Variants in GDAP2 observed in about 807,000 individuals in gnomAD.
The protein encoded by GDAP2 is ganglioside induced differentiation associated protein 2.
Under a neutral mutation model 67.0 loss-of-function variants are expected in GDAP2, and 51 were observed. The ratio of observed to expected loss-of-function variants is 0.76; its 90% CI spans 0.61 to 0.96. The LOEUF (loss-of-function observed/expected upper bound fraction) is 0.96. Ranked by LOEUF, GDAP2 falls within the 40% of genes least tolerant of loss-of-function variation. GDAP2 has a pLI of 0.00. For synonymous variants in GDAP2, 203 were observed against 207.3 expected (o/e 0.98, Z 0.18); for missense variants, 547 against 588.3 (o/e 0.93, Z 0.73).
At chr1:117,883,252 T>C (rs1418256662) in intron 11 of GDAP2, 1 of 399,342 alleles carries the variant, frequency 2.5e-6, no homozygotes, top group Non-Finnish European at 4.6e-6. Context: ...GTAGTATTTT[T>C]GTTATTTTAT....
At chr1:117,908,004 A>G (rs973437644) in intron 5 of GDAP2, among the ~76,000 whole-genome samples, 1 of 151,976 alleles carries the variant, frequency 6.6e-6, no homozygotes, top group African/African-American at 2.4e-5. Flanking sequence ...AGCCAAATCT[A>G]CTTTGCTGTA....
intron 8 of GDAP2, 107 bp from the exon 9 acceptor site, chr1:117,887,881 A>G (rs931306857): frequency 1.1e-4 from 69 of 643,584 alleles, no homozygotes; most frequent in South Asian, 1.5e-4. Context: ...TTTCAAGTAT[A>G]TATTTCATTA....
chr1:117,908,678 A>G (rs1278739084), intron 5 of GDAP2, among the ~76,000 whole-genome samples: 1 of 152,020 alleles, frequency 6.6e-6, no homozygotes, highest in African/African-American at 2.4e-5. Flanking sequence ...TTAAAAAATT[A>G]GCTAGGTATG....
At position 117,866,516 on chromosome 1, in the gene GDAP2, C is replaced by G. The variant is rs1381120180; in HGVS notation, c.*4053G>C. 1.3e-5 allele frequency: 2 copies of G among 152,112 alleles called. No individual in the cohort carries two copies. The highest frequency in any genetic ancestry group is 2.9e-5 in the Non-Finnish European group (2 of 68,016). 9.4% of individuals were successfully genotyped at this position (152,112 alleles called of 1,614,324 possible). A position where few individuals can be genotyped will look rare whatever the true frequency, so the allele number is the denominator to read the frequency against. On this transcript the variant is annotated 3_prime_UTR_variant, in exon 14 of 14. Transcript: ENST00000369443. Reference sequence around the variant, plus strand: ...CATTAGTGCCAGCACAGTTAAAACACTCTAGCGCACGTTAATTATGATGAT... The same window carrying G: ...CATTAGTGCCAGCACAGTTAAAACAGTCTAGCGCACGTTAATTATGATGAT...
chr1:117,880,207 G>A (rs1330233249), intron 12 of GDAP2, among the ~76,000 whole-genome samples: 1 of 151,974 alleles, frequency 6.6e-6, no homozygotes, highest in Non-Finnish European at 1.5e-5. Flanking sequence ...AGAAGAGAGA[G>A]AGAGAGGCTG....
In GDAP2 at chr1:117,878,054, T is replaced by C. The variant is rs1648525264; in HGVS notation, c.1401A>G (p.Pro467=). 1.9e-6 allele frequency: 3 copies of C among 1,612,492 alleles called. No individual in the cohort carries two copies. Among genetic ancestry groups the C allele is most frequent in the Non-Finnish European group, 1.7e-6 (2 of 1,178,674 alleles). Residue 467 remains proline (P), a synonymous_variant, in exon 13 of 14, where the codon CCA becomes CCG. Coordinates refer to ENST00000369443, the MANE Select transcript of GDAP2 (RefSeq NM_017686.4). Reference sequence around the variant, plus strand: ...CAAAAGGAGGAAAGTCAATCTGTTCTGGTGATATGGCAGAAAACAGCTGGT... The same window carrying C: ...CAAAAGGAGGAAAGTCAATCTGTTCCGGTGATATGGCAGAAAACAGCTGGT... ...SLHQLFSAIS[P]EQIDFPPFVL...
chr1:117,900,426 TA>T (rs1251091180), intron 6 of GDAP2, among the ~76,000 whole-genome samples: 2 of 152,174 alleles, frequency 1.3e-5, no homozygotes, highest in Non-Finnish European at 2.9e-5. Context: ...TGGCAATTAC[TA>T]ATCTTTCTGT....
At chr1:117,928,845 G>A (rs1281709454) in intron 1 of GDAP2, among the ~76,000 whole-genome samples, 1 of 152,178 alleles carries the variant, frequency 6.6e-6, no homozygotes, top group East Asian at 1.9e-4. Context: ...TGCAGCTCAA[G>A]AATAAAAGTA....
chr1:117,884,416 G>GT (rs1314964476), intron 10 of GDAP2, among the ~76,000 whole-genome samples: 5 of 152,128 alleles, frequency 3.3e-5, no homozygotes, highest in African/African-American at 9.7e-5. Context: ...AAGCTAAGAG[G>GT]TAACAACTGA....
chr1:117,908,847 A>G (rs1275200803), intron 5 of GDAP2, among the ~76,000 whole-genome samples: 1 of 151,946 alleles, frequency 6.6e-6, no homozygotes, highest in Non-Finnish European at 1.5e-5. Context: ...AAATAAATAA[A>G]TAAATAAATA....
chr1:117,916,649 T>C (rs1011961972), intron 3 of GDAP2, among the ~76,000 whole-genome samples: 2 of 152,038 alleles, frequency 1.3e-5, no homozygotes, highest in Admixed American at 6.6e-5. Flanking sequence ...CAGACAGAAA[T>C]AGATTTAAGA....
chr1:117,882,712 C>G (rs9919338), intron 11 of GDAP2, among the ~76,000 whole-genome samples: 71,662 of 151,876 alleles, frequency 0.47, 17,086 homozygotes, highest in South Asian at 0.63. Flanking sequence ...TGTCTATTGG[C>G]TAATGAAAGC....
rs578141492 is a variant in GDAP2, at chr1:117,908,716, C to G, written c.560-2134G>C. On this transcript the variant is annotated intron_variant, in intron 5 of 13. Coordinates refer to ENST00000369443, the MANE Select transcript of GDAP2 (RefSeq NM_017686.4). ...GACGCATGCCTGTAGTCCTAGCTAC[C>G]TGGGGGGCTAACAAGGGAGGATCAC... is the stretch of plus-strand genomic sequence containing the variant. Among the ~76,000 whole-genome samples, 11 of 151,916 alleles carry G rather than the reference C, an allele frequency of 7.2e-5. No homozygotes were observed. The East Asian group carries it at 2.1e-3, about 29-fold the overall frequency.
intron 1 of GDAP2, among the ~76,000 whole-genome samples, chr1:117,926,045 T>C (rs1650433117): frequency 6.6e-6 from 1 of 152,232 alleles, no homozygotes; most frequent in African/African-American, 2.4e-5. Flanking sequence ...AATCCTCCTG[T>C]TCTCAAAAAG....
chr1:117,927,002 T>TAAA lies in GDAP2; in HGVS notation c.-68+2443_-68+2445dup, dbSNP rs11406734. On this transcript the variant is annotated intron_variant, in intron 1 of 13. Transcript: ENST00000369443. ...TCATAAACAAACACTAAGCCCTAGT[T>TAAA]AAAAAAAAAAAGGCTCTTGAAGCAA... is the stretch of plus-strand genomic sequence containing the variant. Among the ~76,000 whole-genome samples, 33 of 147,710 alleles carry TAAA rather than the reference T, an allele frequency of 2.2e-4. No individual in the cohort carries two copies. The East Asian group carries it at 2.6e-3, about 11-fold the overall frequency.
chr1:117,912,635 GC>G lies in GDAP2; in HGVS notation c.364del (p.Ala122ProfsTer34). 1 of 1,613,494 alleles carries G rather than the reference GC, an allele frequency of 6.2e-7. No individual in the cohort carries two copies. The highest frequency in any genetic ancestry group is 1.1e-5 in the South Asian group (1 of 91,070). On this transcript the variant is annotated frameshift_variant, in exon 4 of 14. Coordinates refer to ENST00000369443, the MANE Select transcript of GDAP2 (RefSeq NM_017686.4). LOFTEE classifies it high-confidence loss of function. ...AKLTKGFNLA[A>X]RFIIHTVGPK... ...TCCCACTGTGTGAATGATGAACCGG[GC>G]AGCTAGATTGAATCCTTTTGTCAAT...
Position 117,870,711 on chromosome 1 carries a change from T to C in GDAP2, c.1447-95A>G, listed in dbSNP as rs1246911997. 7 of 861,570 alleles carry C rather than the reference T, an allele frequency of 8.1e-6. No homozygotes were observed. In the East Asian group the frequency reaches 1.2e-4, roughly 15 times the overall value. The allele number at this position is 861,570 out of a possible 1,614,324, so 53.4% of individuals were successfully genotyped here. Reference sequence around the variant, plus strand: ...GGATTTACAGTCATTGAGGTAGTGATATAAAATGTCTAGCACATGTCTGGC... The same window carrying C: ...GGATTTACAGTCATTGAGGTAGTGACATAAAATGTCTAGCACATGTCTGGC... On this transcript the variant is annotated intron_variant, in intron 13 of 13. Coordinates refer to ENST00000369443, the MANE Select transcript of GDAP2 (RefSeq NM_017686.4).
At chr1:117,908,303 G>A (rs973364033) in intron 5 of GDAP2, among the ~76,000 whole-genome samples, 8 of 151,988 alleles carry the variant, frequency 5.3e-5, no homozygotes, top group African/African-American at 1.9e-4. Context: ...CCTTACGGAT[G>A]TGATATGCAA....
intron 3 of GDAP2, among the ~76,000 whole-genome samples, chr1:117,914,433 T>G (rs906786860): frequency 6.6e-6 from 1 of 151,762 alleles, no homozygotes; most frequent in Non-Finnish European, 1.5e-5. Flanking sequence ...AAATAAGAGA[T>G]AACAGATGAG....
Sources: allele counts gnomAD v4.1 joint callset (sites outside exome capture counted in the v4.1 genomes callset), GRCh38; gene constraint gnomAD v4.1.1; transcripts MANE v1.5; gene names NCBI Gene and HGNC (gene_info 2026-07-23, HGNC 2026-07-21).